The following ARHGAP18 variants were observed in gnomAD, a reference collection of about 807,000 sequenced individuals.
ARHGAP18 encodes the protein rho GTPase-activating protein 18.
A neutral mutation model predicts 86.2 loss-of-function variants in ARHGAP18; 67 were observed. The observed-to-expected ratio is 0.78, with a 90% CI of 0.64 to 0.95. ARHGAP18 has a LOEUF of 0.95. ARHGAP18 is among the 40% of genes least tolerant of loss of function. The pLI is 0.00. For synonymous variants in ARHGAP18, 283 were observed against 280.4 expected (o/e 1.01, Z -0.09); for missense variants, 691 against 780.4 (o/e 0.89, Z 1.37).
intron 8 of ARHGAP18, among the ~76,000 whole-genome samples, chr6:129,608,344 A>C (rs1339514146): frequency 6.6e-6 from 1 of 152,156 alleles, no homozygotes; most frequent in Non-Finnish European, 1.5e-5. Context: ...TTTAATTAAG[A>C]GACTGGTTAA....
intron 1 of ARHGAP18, among the ~76,000 whole-genome samples, chr6:129,672,559 C>T (rs1028664657): frequency 3.9e-5 from 6 of 152,220 alleles, no homozygotes; most frequent in African/African-American, 1.4e-4. Flanking sequence ...GCTTGCAATA[C>T]TTCCTACTCA....
At position 129,710,030 on chromosome 6, in the gene ARHGAP18, G is replaced by A. The variant is rs1774879459; in HGVS notation, c.107C>T (p.Thr36Ile). The change falls in exon 1 of 15, where the codon ACC becomes ATC. Residue 36 changes from threonine to isoleucine, a missense_variant. Physicochemically the swap from Thr to Ile is moderately conservative, Grantham distance 89 (BLOSUM62 -1). Coordinates refer to ENST00000368149, the MANE Select transcript of ARHGAP18 (RefSeq NM_033515.3). ...TCAGCTTCCGAAGGCTTACCTCGAG[G>A]TGGCTTCCTCCCCTGCCTTTGCATG... ...NSHAKAGEEATSSRRYGQYTM... is the reference protein window; with the variant it reads ...NSHAKAGEEAISSRRYGQYTM... 6.2e-7 allele frequency: 1 copy of A among 1,613,784 alleles called. No homozygotes were observed. Among genetic ancestry groups the A allele is most frequent in the Non-Finnish European group, 8.5e-7 (1 of 1,179,710 alleles).
intron 1 of ARHGAP18, among the ~76,000 whole-genome samples, chr6:129,701,012 AAGAC>A (rs1343489413): frequency 9.9e-5 from 15 of 152,000 alleles, no homozygotes; most frequent in African/African-American, 3.4e-4. Flanking sequence ...AAAAAAAAAA[AAGAC>A]AGGCAAAGTT....
At chr6:129,667,707 G>A (rs1774068285) in intron 1 of ARHGAP18, among the ~76,000 whole-genome samples, 3 of 151,844 alleles carry the variant, frequency 2.0e-5, no homozygotes, top group Admixed American at 2.0e-4. Context: ...ATACATGGAG[G>A]GCAAGGAGAA....
intron 1 of ARHGAP18, among the ~76,000 whole-genome samples, chr6:129,685,524 A>C (rs1774408986): frequency 6.6e-6 from 1 of 152,178 alleles, no homozygotes; most frequent in Admixed American, 6.5e-5. Flanking sequence ...AAAAATTGTG[A>C]AATATAAATG....
At position 129,642,008 on chromosome 6, in the gene ARHGAP18, C is replaced by T. The variant is rs747673241; in HGVS notation, c.124G>A (p.Gly42Ser). Reference sequence around the variant, plus strand: ...CTTTCCTGGTTCATAGTGTACTGGCCATATCTGCGACTGTAAATTCAAAAG... The same window carrying T: ...CTTTCCTGGTTCATAGTGTACTGGCTATATCTGCGACTGTAAATTCAAAAG... ...GEEATSSRRY[G>S]QYTMNQESTT... The change falls in exon 2 of 15, where the codon GGC becomes AGC. Residue 42 changes from glycine (G) to serine (S), a missense_variant. Physicochemically the swap from Gly to Ser is moderately conservative, Grantham distance 56. Coordinates refer to ENST00000368149, the MANE Select transcript of ARHGAP18 (RefSeq NM_033515.3). The T allele has an allele frequency of 6.8e-6, 11 of 1,613,566 alleles. No individual in the cohort carries two copies. In the African/African-American group the frequency reaches 1.2e-4, roughly 18 times the overall value.
chr6:129,622,725 G>A (rs554579908), intron 5 of ARHGAP18, among the ~76,000 whole-genome samples: 3 of 150,020 alleles, frequency 2.0e-5, no homozygotes, highest in Non-Finnish European at 4.5e-5. Context: ...ATAAGACTGG[G>A]CATGGTGGCT....
At chr6:129,682,835 A>G (rs1157937126) in intron 1 of ARHGAP18, among the ~76,000 whole-genome samples, 1 of 152,196 alleles carries the variant, frequency 6.6e-6, no homozygotes, top group African/African-American at 2.4e-5. Flanking sequence ...ACACAATAAG[A>G]ATTTTTTTGA....
At chr6:129,631,359 C>T (rs1424849169) in intron 4 of ARHGAP18, among the ~76,000 whole-genome samples, 1 of 151,318 alleles carries the variant, frequency 6.6e-6, no homozygotes, top group African/African-American at 2.4e-5. Context: ...AGGTAGTACA[C>T]ATTTAACACA....
chr6:129,602,554 T>C (rs1230968838), intron 10 of ARHGAP18, among the ~76,000 whole-genome samples: 2 of 152,294 alleles, frequency 1.3e-5, no homozygotes, highest in Non-Finnish European at 2.9e-5. Context: ...AACTGCTATA[T>C]AGACCTTGAA....
At position 129,577,183 on chromosome 6, in the gene ARHGAP18, T is replaced by C. The variant is rs1184501899; in HGVS notation, c.*1330A>G. The C allele has an allele frequency of 1.3e-5, 2 of 152,196 alleles. No individual in the cohort carries two copies. Among genetic ancestry groups the C allele is most frequent in the African/African-American group, 4.8e-5 (2 of 41,456 alleles). 9.4% of individuals were successfully genotyped at this position (152,196 alleles called of 1,614,324 possible). ...CACCACAAAATCATTTAAGTGATCA[T>C]ATCCACAGGCTGTTCTTGTAATTAT... On this transcript the variant is annotated 3_prime_UTR_variant, in exon 15 of 15. Transcript: ENST00000368149.
intron 1 of ARHGAP18, among the ~76,000 whole-genome samples, chr6:129,706,479 G>A (rs1584125986): frequency 6.6e-6 from 1 of 152,308 alleles, no homozygotes; most frequent in East Asian, 1.9e-4. Context: ...GACATTCAAT[G>A]ACTGTTTTCT....
chr6:129,579,438 T>C (rs1167599469), intron 14 of ARHGAP18, among the ~76,000 whole-genome samples: 2 of 152,120 alleles, frequency 1.3e-5, no homozygotes, highest in Non-Finnish European at 2.9e-5. Flanking sequence ...GAACTTAACA[T>C]GATTTCATTT....
chr6:129,704,001 AAT>A (rs1774763358), intron 1 of ARHGAP18, among the ~76,000 whole-genome samples: 2 of 152,000 alleles, frequency 1.3e-5, no homozygotes, highest in Admixed American at 1.3e-4. Flanking sequence ...ATCAGGTAAT[AAT>A]ACACTAATTC....
intron 13 of ARHGAP18, among the ~76,000 whole-genome samples, chr6:129,583,153 G>C (rs2114426950): frequency 6.6e-6 from 1 of 152,288 alleles, no homozygotes; most frequent in Non-Finnish European, 1.5e-5. Context: ...GAAAGACCAA[G>C]ACAGAGTATT....
intron 1 of ARHGAP18, among the ~76,000 whole-genome samples, chr6:129,643,040 T>C (rs1251369807): frequency 4.6e-5 from 7 of 152,082 alleles, no homozygotes; most frequent in Non-Finnish European, 4.4e-5. Context: ...AAACAATGTT[T>C]TTTGTTATAA....
chr6:129,657,890 C>T (rs1256902008), intron 1 of ARHGAP18, among the ~76,000 whole-genome samples: 1 of 152,180 alleles, frequency 6.6e-6, no homozygotes, highest in Non-Finnish European at 1.5e-5. Context: ...TAAGCATTCA[C>T]CTAATCCTTA....
chr6:129,625,150 TATATAG>T (rs1562696367), intron 5 of ARHGAP18, among the ~76,000 whole-genome samples: 91 of 3,630 alleles, frequency 0.025, 11 homozygotes, highest in African/African-American at 0.13. Flanking sequence ...TATTATATAT[TATATAG>T]ATATATATTA....
At chr6:129,615,076 T>C (rs574262794) in intron 7 of ARHGAP18, among the ~76,000 whole-genome samples, 40 of 152,308 alleles carry the variant, frequency 2.6e-4, no homozygotes, top group Non-Finnish European at 4.4e-4. Flanking sequence ...ACTCTAAATA[T>C]ATCCTATTGC....
Sources: allele counts gnomAD v4.1 joint callset (sites outside exome capture counted in the v4.1 genomes callset), GRCh38; gene constraint gnomAD v4.1.1; transcripts MANE v1.5; gene names NCBI Gene and HGNC (gene_info 2026-07-23, HGNC 2026-07-21).